ROBO2: variants seen among roughly 807,000 people sequenced by gnomAD.
The protein encoded by ROBO2 is roundabout homolog 2.
ROBO2 carries 53 observed loss-of-function variants against 160.8 expected under a neutral mutation model. The observed-to-expected ratio is 0.33, with a 90% CI of 0.26 to 0.41. The LOEUF is 0.41. Among genes scored for constraint, ROBO2 ranks in the 10% least tolerant of loss-of-function variants. ROBO2 has a pLI of 1.00. For synonymous variants in ROBO2, 664 were observed against 611.7 expected, an observed-to-expected ratio of 1.09 and a Z score of -1.26; for missense variants, 1,577 against 1,722.4, an observed-to-expected ratio of 0.92 and a Z score of 1.49.
intron 2 of ROBO2, among the ~76,000 whole-genome samples, chr3:76,588,351 T>C (rs1291270733): frequency 2.6e-5 from 4 of 152,246 alleles, no homozygotes; most frequent in Non-Finnish European, 4.4e-5. Flanking sequence ...TGTTTCTGCA[T>C]TTAAAATAGC....
At chr3:77,632,414 G>C (rs2095182074) in intron 23 of ROBO2, 1 of 1,312,474 alleles carries the variant, frequency 7.6e-7, no homozygotes, top group Admixed American at 2.3e-5. Flanking sequence ...AGTATAGTGT[G>C]TACAAGCAGA....
chr3:77,626,811 C>T (rs1256404046), intron 23 of ROBO2, among the ~76,000 whole-genome samples: 5 of 152,086 alleles, frequency 3.3e-5, no homozygotes. Flanking sequence ...GACTGCTGGA[C>T]CCCACATGAA....
chr3:76,263,847 A>C (rs1706924889), intron 2 of ROBO2, among the ~76,000 whole-genome samples: 1 of 152,170 alleles, frequency 6.6e-6, no homozygotes, highest in Admixed American at 6.5e-5. Flanking sequence ...AAACTGGATA[A>C]AGAAAATGTG....
chr3:76,067,743 A>C (rs1261717564), intron 2 of ROBO2, among the ~76,000 whole-genome samples: 1 of 152,174 alleles, frequency 6.6e-6, no homozygotes, highest in Non-Finnish European at 1.5e-5. Context: ...TGAAAACTAC[A>C]ATACCCTCTA....
In ROBO2 at chr3:76,546,150, G is replaced by A. The variant is rs1036127525; in HGVS notation, c.110-551864G>A. Reference sequence around the variant, plus strand: ...TAGACATATTTTTCAAGAGTGGTCCGTGTGCAAAGCTATAAACAGTATAAA... The same window carrying A: ...TAGACATATTTTTCAAGAGTGGTCCATGTGCAAAGCTATAAACAGTATAAA... On this transcript the variant is annotated intron_variant, in intron 2 of 26. Transcript: ENST00000487694. Among the ~76,000 whole-genome samples, 18 of 151,736 alleles carry A rather than the reference G, an allele frequency of 1.2e-4. 1 individual carries two copies. Among genetic ancestry groups the A allele is most frequent in the Admixed American group, 5.3e-4 (8 of 15,238 alleles).
intron 2 of ROBO2, among the ~76,000 whole-genome samples, chr3:76,146,093 A>G (rs2071876136): frequency 1.3e-5 from 2 of 151,850 alleles, no homozygotes; most frequent in African/African-American, 2.4e-5. Context: ...TTTACACTCT[A>G]TTTGCTTGTC....
At chr3:76,565,693 G>C (rs1261979079) in intron 2 of ROBO2, among the ~76,000 whole-genome samples, 1 of 152,116 alleles carries the variant, frequency 6.6e-6, no homozygotes, top group East Asian at 1.9e-4. Flanking sequence ...CTAGTTAAGG[G>C]TTGACCACTC....
In ROBO2 at chr3:77,439,641, C is replaced by T. The variant is rs1352060196; in HGVS notation, c.389-37773C>T. Among the ~76,000 whole-genome samples, 12 of 152,140 alleles carry T rather than the reference C, an allele frequency of 7.9e-5. No homozygotes were observed. The South Asian group carries it at 2.3e-3, about 29-fold the overall frequency. On this transcript the variant is annotated intron_variant, in intron 2 of 25. Transcript: ENST00000461745. The stretch of plus-strand genomic sequence containing the variant: ...TGTATTAATGCATTTCAAGAGAAGA[C>T]GCATGCTAACCATTAGTATTAAGGA...
At chr3:76,816,597 A>G (rs939698292) in intron 2 of ROBO2, among the ~76,000 whole-genome samples, 1 of 151,968 alleles carries the variant, frequency 6.6e-6, no homozygotes, top group African/African-American at 2.4e-5. Flanking sequence ...TCTAATGCCA[A>G]CCATTAGCCT....
At chr3:77,065,136 A>C (rs1407786026) in intron 1 of ROBO2, among the ~76,000 whole-genome samples, 1 of 152,188 alleles carries the variant, frequency 6.6e-6, no homozygotes, top group Non-Finnish European at 1.5e-5. Flanking sequence ...AATAATCACA[A>C]TAATGTTTAG....
chr3:76,422,867 G>A (rs761003926), intron 2 of ROBO2, among the ~76,000 whole-genome samples: 81 of 152,164 alleles, frequency 5.3e-4, no homozygotes, highest in Non-Finnish European at 9.3e-4. Context: ...ATAAATTAAG[G>A]GGTCATGGTA....
intron 8 of ROBO2, among the ~76,000 whole-genome samples, chr3:77,557,413 ACAT>A (rs1226587949): frequency 6.6e-6 from 1 of 151,992 alleles, no homozygotes; most frequent in Non-Finnish European, 1.5e-5. Context: ...TAATATTTTA[ACAT>A]CAGCAGAAAT....
intron 2 of ROBO2, among the ~76,000 whole-genome samples, chr3:76,209,748 T>C (rs546464996): frequency 6.6e-6 from 1 of 152,232 alleles, no homozygotes; most frequent in Admixed American, 6.5e-5. Context: ...AATTATTTCA[T>C]AGCAGCTGGG....
At chr3:77,211,094 G>A (rs977009290) in intron 2 of ROBO2, among the ~76,000 whole-genome samples, 5 of 152,126 alleles carry the variant, frequency 3.3e-5, no homozygotes, top group African/African-American at 1.2e-4. Flanking sequence ...AATCCTTTGG[G>A]TATATACCCA....
intron 2 of ROBO2, among the ~76,000 whole-genome samples, chr3:76,281,465 T>A (rs2107669889): frequency 6.6e-6 from 1 of 152,050 alleles, no homozygotes. Flanking sequence ...AAAACATCAA[T>A]ATTCGGTTTT....
chr3:76,514,355 T>G (rs1303901640), intron 2 of ROBO2, among the ~76,000 whole-genome samples: 2 of 152,144 alleles, frequency 1.3e-5, no homozygotes, highest in East Asian at 3.9e-4. Context: ...TAAGAACTGC[T>G]TAAGATACCA....
At chr3:77,187,658 T>C (rs1005291432) in intron 2 of ROBO2, among the ~76,000 whole-genome samples, 2 of 151,946 alleles carry the variant, frequency 1.3e-5, no homozygotes, top group African/African-American at 2.4e-5. Flanking sequence ...TTAGGCAATC[T>C]CTTCAATTTT....
chr3:76,611,145 G>GT (rs1177159662), intron 2 of ROBO2, among the ~76,000 whole-genome samples: 1 of 152,100 alleles, frequency 6.6e-6, no homozygotes, highest in African/African-American at 2.4e-5. Context: ...GAGAGAGAGG[G>GT]TAGGACGGGG....
chr3:77,292,450 A>T (rs1273949120), intron 2 of ROBO2, among the ~76,000 whole-genome samples: 2 of 151,948 alleles, frequency 1.3e-5, no homozygotes, highest in Admixed American at 1.3e-4. Flanking sequence ...CCAAAGACAT[A>T]AAGAAAAATT....
Sources: allele counts gnomAD v4.1 joint callset (sites outside exome capture counted in the v4.1 genomes callset), GRCh38; gene constraint gnomAD v4.1.1; transcripts MANE v1.5; gene names NCBI Gene and HGNC (gene_info 2026-07-23, HGNC 2026-07-21).